DLC1: variants seen among roughly 807,000 people sequenced by gnomAD.
DLC1 encodes DLC1 Rho GTPase activating protein, also known as rho GTPase-activating protein 7.
A neutral mutation model predicts 140.3 loss-of-function variants in DLC1; 54 were observed. The ratio of observed to expected loss-of-function variants is 0.38; its 90% CI spans 0.31 to 0.48. DLC1 has a LOEUF of 0.48. Ranked by LOEUF, DLC1 falls within the 20% of genes least tolerant of loss-of-function variation. The pLI is 0.96. For synonymous variants in DLC1, 986 were observed against 728.1 expected (o/e 1.35, Z -5.70); for missense variants, 2,536 against 1,907.0 (o/e 1.33, Z -6.14).
chr8:13,382,592 G>A (rs556671906), intron 4 of DLC1, among the ~76,000 whole-genome samples: 28 of 149,974 alleles, frequency 1.9e-4, no homozygotes, highest in Admixed American at 2.7e-4. Context: ...GAATTTGTTG[G>A]ATTCAAAAAT....
rs760693044 is a variant in DLC1 at position 13,100,734 on chromosome 8, T to C, written c.1603A>G (p.Ser535Gly). 13 of 1,599,008 alleles carry C rather than the reference T, an allele frequency of 8.1e-6. No individual in the cohort carries two copies. Among genetic ancestry groups the C allele is most frequent in the Non-Finnish European group, 1.1e-5 (13 of 1,173,000 alleles). ...DSDEDEPCAI[S>G]GKWTFQRDSK... is the part of the protein sequence containing the mutation. Reference sequence around the variant, plus strand: ...TCCCTTTGGAAAGTCCATTTGCCACTGATGGCACAAGGCTCATCCTCGTCT... The same window carrying C: ...TCCCTTTGGAAAGTCCATTTGCCACCGATGGCACAAGGCTCATCCTCGTCT... The change falls in exon 9 of 18, where the codon AGT becomes GGT. Residue 535 changes from serine to glycine, a missense_variant. Physicochemically the swap from Ser to Gly is moderately conservative, Grantham distance 56. Coordinates refer to ENST00000276297, the MANE Select transcript of DLC1 (RefSeq NM_182643.3).
chr8:13,139,743 G>C (rs1822835440), intron 5 of DLC1, among the ~76,000 whole-genome samples: 1 of 152,192 alleles, frequency 6.6e-6, no homozygotes, highest in Admixed American at 6.5e-5. Context: ...CATCCATTTG[G>C]TCTTTACCAA....
chr8:13,330,978 TAAAGC>T (rs766203605), intron 4 of DLC1, among the ~76,000 whole-genome samples: 6 of 151,812 alleles, frequency 4.0e-5, no homozygotes, highest in Non-Finnish European at 8.8e-5. Context: ...GGAAAAAAAA[TAAAGC>T]AAAGAATAAA....
chr8:13,357,279 A>G (rs1230784268), intron 4 of DLC1, among the ~76,000 whole-genome samples: 1 of 151,632 alleles, frequency 6.6e-6, no homozygotes, highest in African/African-American at 2.4e-5. Flanking sequence ...AAACTGAAAG[A>G]AAAGTCCTGC....
At chr8:13,560,862 A>C (rs1804217154) in intron 1 of DLC1, among the ~76,000 whole-genome samples, 1 of 152,164 alleles carries the variant, frequency 6.6e-6, no homozygotes, top group Non-Finnish European at 1.5e-5. Flanking sequence ...AGTCAAGGAG[A>C]GAGGCCTGGA....
intron 2 of DLC1, among the ~76,000 whole-genome samples, chr8:13,421,506 A>T (rs1394197450): frequency 2.0e-5 from 3 of 152,206 alleles, no homozygotes; most frequent in Non-Finnish European, 4.4e-5. Context: ...GTTCCTACGG[A>T]AAAAGCATAA....
Position 13,099,852 on chromosome 8 carries a change from G to A in DLC1, c.2485C>T (p.Pro829Ser), listed in dbSNP as rs1226884750. Residue 829 changes from proline to serine, a missense_variant, in exon 9 of 18, where the codon CCC becomes TCC. Coordinates refer to ENST00000276297, the MANE Select transcript of DLC1 (RefSeq NM_182643.3). ...PKALTNGSFS[P>S]SGNNGSVNWR... ...TTCACAGAGCCGTTATTCCCCGAGGGGGAGAAACTGCCATTGGTGAGAGCT... is the reference window on the plus strand; with the variant it reads ...TTCACAGAGCCGTTATTCCCCGAGGAGGAGAAACTGCCATTGGTGAGAGCT... The A allele has an allele frequency of 1.9e-6, 3 of 1,614,206 alleles. No homozygotes were observed. The highest frequency in any genetic ancestry group is 1.3e-5 in the African/African-American group (1 of 75,048).
At position 13,274,642 on chromosome 8, in the gene DLC1, A is replaced by G. The variant is rs928549038; in HGVS notation, c.1348+30627T>C. ...GAAGAAAGAGAACAACTTTCCAGGGATAACATTCTTATTCTTAGAGGATAT... is the reference window on the plus strand; with the variant it reads ...GAAGAAAGAGAACAACTTTCCAGGGGTAACATTCTTATTCTTAGAGGATAT... On this transcript the variant is annotated intron_variant, in intron 5 of 17. Coordinates refer to ENST00000276297, the MANE Select transcript of DLC1 (RefSeq NM_182643.3). 2.6e-5 allele frequency among the ~76,000 whole-genome samples: 4 copies of G among 152,240 alleles called. No individual in the cohort carries two copies. The East Asian group carries it at 7.7e-4, about 29-fold the overall frequency.
At chr8:13,307,230 C>T (rs577397762) in intron 4 of DLC1, among the ~76,000 whole-genome samples, 18 of 152,184 alleles carry the variant, frequency 1.2e-4, no homozygotes, top group African/African-American at 4.3e-4. Context: ...TCTCCGCATG[C>T]TTCCAAAGAT....
rs746956897 is a variant in DLC1, at chr8:13,551,763, CAT to C, written c.-125-51569_-125-51568del. ...ATCAAACATATGTTTCTATATCAAA[CAT>C]ATGTATCTATCAAACATATATGTAT... On this transcript the variant is annotated intron_variant, in intron 1 of 1. Transcript: ENST00000631382. Among the ~76,000 whole-genome samples, 15 of 151,158 alleles carry C rather than the reference CAT, an allele frequency of 9.9e-5. No homozygotes were observed. In the South Asian group the frequency reaches 1.2e-3, roughly 13 times the overall value.
chr8:13,345,851 A>G (rs548113951), intron 4 of DLC1, among the ~76,000 whole-genome samples: 1 of 152,124 alleles, frequency 6.6e-6, no homozygotes, highest in Non-Finnish European at 1.5e-5. Flanking sequence ...CAGCCGCTGC[A>G]TCTGGCCATT....
At chr8:13,362,806 C>A (rs1835295450) in intron 4 of DLC1, among the ~76,000 whole-genome samples, 1 of 152,126 alleles carries the variant, frequency 6.6e-6, no homozygotes, top group African/African-American at 2.4e-5. Context: ...GGGCCTTTGC[C>A]CCGGATATTT....
chr8:13,164,274 G>C (rs999362399), intron 5 of DLC1, among the ~76,000 whole-genome samples: 1 of 147,054 alleles, frequency 6.8e-6, no homozygotes, highest in South Asian at 2.2e-4. Flanking sequence ...TCAAACCTGG[G>C]GGACAAGAGC....
Position 13,332,409 on chromosome 8 carries a change from T to C in DLC1, c.1315-27107A>G, listed in dbSNP as rs556435951. Among the ~76,000 whole-genome samples, 52 of 150,276 alleles carry C rather than the reference T, an allele frequency of 3.5e-4. 1 individual carries two copies. The highest frequency in any genetic ancestry group is 5.4e-4 in the Admixed American group (8 of 14,878). On this transcript the variant is annotated intron_variant, in intron 4 of 17. Coordinates refer to ENST00000276297, the MANE Select transcript of DLC1 (RefSeq NM_182643.3). Reference sequence around the variant, plus strand: ...GGTAGCTGCTGGAAACACTGAATGTTCACTATTGACTGATTTTCTTTTGTC... The same window carrying C: ...GGTAGCTGCTGGAAACACTGAATGTCCACTATTGACTGATTTTCTTTTGTC...
At chr8:13,352,650 G>C (rs575330309) in intron 4 of DLC1, among the ~76,000 whole-genome samples, 1 of 152,240 alleles carries the variant, frequency 6.6e-6, no homozygotes, top group African/African-American at 2.4e-5. Context: ...TAGTAACTGG[G>C]ACTACAGAGG....
intron 1 of DLC1, among the ~76,000 whole-genome samples, chr8:13,566,224 G>A (rs1409595426): frequency 6.6e-6 from 1 of 152,128 alleles, no homozygotes; most frequent in African/African-American, 2.4e-5. Flanking sequence ...TGAGGAAATG[G>A]GACTCGGAGG....
At chr8:13,145,008 T>C (rs560276931) in intron 5 of DLC1, among the ~76,000 whole-genome samples, 1 of 152,156 alleles carries the variant, frequency 6.6e-6, no homozygotes, top group East Asian at 1.9e-4. Flanking sequence ...TCTGACCAAA[T>C]GCAATAAATT....
At chr8:13,325,785 T>A (rs1833317389) in intron 4 of DLC1, among the ~76,000 whole-genome samples, 1 of 152,222 alleles carries the variant, frequency 6.6e-6, no homozygotes, top group Non-Finnish European at 1.5e-5. Context: ...CATCACAGGT[T>A]AAAACATGTA....
chr8:13,549,868 T>C (rs1335885762), intron 1 of DLC1, among the ~76,000 whole-genome samples: 1 of 152,164 alleles, frequency 6.6e-6, no homozygotes, highest in African/African-American at 2.4e-5. Flanking sequence ...TTTATTTCTA[T>C]CCTTTCCACT....
Sources: allele counts gnomAD v4.1 joint callset (sites outside exome capture counted in the v4.1 genomes callset), GRCh38; gene constraint gnomAD v4.1.1; transcripts MANE v1.5; gene names NCBI Gene and HGNC (gene_info 2026-07-23, HGNC 2026-07-21).